The following AZIN2 variants were observed in gnomAD, a reference collection of about 807,000 sequenced individuals.
AZIN2 encodes ODC antizyme inhibitor-2.
AZIN2 carries 28 observed loss-of-function variants against 47.8 expected under a neutral mutation model. That is an observed-to-expected ratio of 0.59 (90% CI 0.43 to 0.80). AZIN2 has a LOEUF of 0.80. Among genes scored for constraint, AZIN2 ranks in the 30% least tolerant of loss-of-function variants. AZIN2 has a pLI of 0.00. For missense variants in AZIN2, 535 were observed against 582.5 expected, an observed-to-expected ratio of 0.92 and a Z score of 0.84; for synonymous variants, 221 against 239.4, an observed-to-expected ratio of 0.92 and a Z score of 0.71.
the AZIN2 span, chr1:33,166,334 C>T: frequency 1.3e-5 from 2 of 151,926 alleles, no homozygotes; most frequent in Non-Finnish European, 2.9e-5. Context: ...ATCACCCCAC[C>T]CCCACCCCCT....
At chr1:33,117,542 T>C (rs192548801) in intron 10 of AZIN2, among the ~76,000 whole-genome samples, 22 of 152,380 alleles carry the variant, frequency 1.4e-4, no homozygotes, top group African/African-American at 5.0e-4. Flanking sequence ...GTGCCGCCAC[T>C]GTTCTACATG....
intron 8 of AZIN2, among the ~76,000 whole-genome samples, chr1:33,096,003 A>AT (rs61494657): frequency 1.3e-5 from 2 of 152,116 alleles, no homozygotes; most frequent in Admixed American, 1.3e-4. Context: ...ATGCTCAGCT[A>AT]TTTTTTGTAT....
At chr1:33,159,989 G>C in the AZIN2 span, 2 of 1,582,398 alleles carry the variant, frequency 1.3e-6, no homozygotes, top group Non-Finnish European at 1.7e-6. The surrounding 1 kb of genome is among the most constrained non-coding windows in gnomAD (Gnocchi z 4.2). Context: ...GGAGCAGATG[G>C]GGTGATCTCT....
rs1871322 is a variant in AZIN2, at chr1:33,082,167, T to G, written c.-72-11T>G. The G allele has an allele frequency of 3.5e-6, 4 of 1,156,582 alleles. No individual in the cohort carries two copies. The highest frequency in any genetic ancestry group is 1.9e-5 in the Admixed American group (1 of 51,350). 71.6% of individuals were successfully genotyped at this position (1,156,582 alleles called of 1,614,324 possible). On this transcript the variant is annotated splice_polypyrimidine_tract_variant and intron_variant, in intron 3 of 11. Coordinates refer to ENST00000294517, the MANE Select transcript of AZIN2 (RefSeq NM_052998.4). ...CCCCAGCGGTTCCCTTCATCTCCCCTCGCCCCGCAGTGTGTTGCATACTTT... is the reference window on the plus strand; with the variant it reads ...CCCCAGCGGTTCCCTTCATCTCCCCGCGCCCCGCAGTGTGTTGCATACTTT...
chr1:33,117,484 CACA>C (rs1644600040), intron 10 of AZIN2, among the ~76,000 whole-genome samples: 1 of 152,232 alleles, frequency 6.6e-6, no homozygotes, highest in African/African-American at 2.4e-5. Flanking sequence ...CAACAGCAAT[CACA>C]ACAATAAGTT....
the AZIN2 span, among the ~76,000 whole-genome samples, chr1:33,155,825 T>C: frequency 1.3e-5 from 2 of 152,252 alleles, no homozygotes; most frequent in African/African-American, 4.8e-5. Flanking sequence ...GGGGGGGATC[T>C]GTGATTTTGG....
rs140311545 is a variant in AZIN2 at position 33,119,936 on chromosome 1, G to A, written c.1245-108G>A. 2.4e-4 allele frequency: 356 copies of A among 1,489,760 alleles called. 1 individual carries two copies. Among genetic ancestry groups the A allele is most frequent in the Middle Eastern group, 2.3e-3 (13 of 5,554 alleles). 92.3% of individuals were successfully genotyped at this position (1,489,760 alleles called of 1,614,324 possible). On this transcript the variant is annotated intron_variant, in intron 11 of 11. Transcript: ENST00000294517. ...CCTGTCCCTGCCCCTGCCCTCAGCT[G>A]AGCTCGGGCTCACGTGAGAGCCCTC...
the AZIN2 span, chr1:33,159,998 C>T: frequency 6.3e-7 from 1 of 1,576,062 alleles, no homozygotes; most frequent in South Asian, 1.1e-5. The surrounding 1 kb of genome is among the most constrained non-coding windows in gnomAD (Gnocchi z 4.2). Context: ...GGGGTGATCT[C>T]TGGGTGAGAG....
chr1:33,085,819 G>T (rs1641828234), intron 5 of AZIN2, among the ~76,000 whole-genome samples: 1 of 152,196 alleles, frequency 6.6e-6, no homozygotes, highest in African/African-American at 2.4e-5. Flanking sequence ...GCACACAGTG[G>T]GAGAGACTGC....
intron 10 of AZIN2, among the ~76,000 whole-genome samples, chr1:33,107,870 A>G (rs1170172809): frequency 1.3e-5 from 2 of 152,180 alleles, no homozygotes; most frequent in East Asian, 1.9e-4. Flanking sequence ...GTGAATTGGA[A>G]GAATTAATAC....
At chr1:33,093,053 G>A (rs1422286641) in intron 6 of AZIN2, among the ~76,000 whole-genome samples, 1 of 152,224 alleles carries the variant, frequency 6.6e-6, no homozygotes, top group Admixed American at 6.5e-5. Context: ...AGGAGAGTTG[G>A]TGAGGTCTGG....
chr1:33,096,716 G>A lies in AZIN2; in HGVS notation c.763G>A (p.Val255Met), dbSNP rs374154370. ...ATTCTCCTCCTACCAGATTGCTTCC[G>A]TGATCAACTCAGCCTTGGACCTGTA... ...AKVRFEEIASVINSALDLYFP... is the reference protein window; with the variant it reads ...AKVRFEEIASMINSALDLYFP... The change falls in exon 9 of 12, where the codon GTG (valine) becomes ATG (methionine). Residue 255 changes from valine (V) to methionine (M), a missense_variant. By Grantham distance (21) the Val-to-Met change is conservative. Coordinates refer to ENST00000294517, the MANE Select transcript of AZIN2 (RefSeq NM_052998.4). The A allele has an allele frequency of 2.3e-5, 37 of 1,614,068 alleles. No homozygotes were observed. Among genetic ancestry groups the A allele is most frequent in the Middle Eastern group, 1.6e-4 (1 of 6,084 alleles).
chr1:33,139,332 T>C, the AZIN2 span, among the ~76,000 whole-genome samples: 333 of 152,246 alleles, frequency 2.2e-3, no homozygotes, highest in African/African-American at 7.8e-3. Flanking sequence ...TTAGCTACTT[T>C]TCAGCCAGAA....
chr1:33,151,846 G>A, the AZIN2 span, among the ~76,000 whole-genome samples: 2 of 152,218 alleles, frequency 1.3e-5, no homozygotes, highest in African/African-American at 4.8e-5. Context: ...CCCAAGCAGC[G>A]GAGAAAGCCC....
the AZIN2 span, among the ~76,000 whole-genome samples, chr1:33,138,722 AT>A: frequency 6.6e-6 from 1 of 151,134 alleles, no homozygotes; most frequent in Non-Finnish European, 1.5e-5. Context: ...CTGATGGATG[AT>A]TTTTTTCCTT....
the AZIN2 span, among the ~76,000 whole-genome samples, chr1:33,151,896 G>A: frequency 6.6e-6 from 1 of 152,216 alleles, no homozygotes; most frequent in Non-Finnish European, 1.5e-5. Flanking sequence ...GGCAGTGAGT[G>A]GATTGTGTTT....
Position 33,120,077 on chromosome 1 carries a change from A to G in AZIN2, c.1278A>G (p.Glu426=). The change falls in exon 12 of 12, where the codon GAA becomes GAG. Residue 426 remains glutamate (E), a synonymous_variant. Transcript: ENST00000294517. ...EALRRQLMAA[E]QEDDVEGVCK... The stretch of plus-strand genomic sequence containing the variant: ...TGCGAAGGCAGCTGATGGCTGCAGA[A>G]CAGGAGGATGACGTGGAGGGTGTGT... The G allele has an allele frequency of 2.5e-6, 4 of 1,614,062 alleles. No homozygotes were observed. Among genetic ancestry groups the G allele is most frequent in the Non-Finnish European group, 3.4e-6 (4 of 1,179,970 alleles).
chr1:33,143,126 G>A, the AZIN2 span: 2 of 152,156 alleles, frequency 1.3e-5, no homozygotes, highest in African/African-American at 2.4e-5. Flanking sequence ...CATGATATCA[G>A]CCTGACAACC....
chr1:33,086,771 T>A (rs75797947), intron 5 of AZIN2, among the ~76,000 whole-genome samples: 3,845 of 152,270 alleles, frequency 0.025, 67 homozygotes, highest in Non-Finnish European at 0.04. Flanking sequence ...CATCCTCCCA[T>A]CTTAAAAAGC....
Sources: gnomAD v4.1 joint callset for allele counts (sites outside exome capture counted in the v4.1 genomes callset) on GRCh38, gnomAD v4.1.1 for gene constraint, Gnocchi (gnomAD v3.1) non-coding constraint, MANE v1.5 for transcripts, NCBI Gene and HGNC (gene_info 2026-07-23, HGNC 2026-07-21) for gene names.